Variants in GNL3 observed in about 807,000 individuals in gnomAD.
GNL3 encodes G protein nucleolar 3, also known as guanine nucleotide-binding protein-like 3.
Under a neutral mutation model 70.6 loss-of-function variants are expected in GNL3, and 77 were observed. The ratio of observed to expected loss-of-function variants is 1.09; its 90% CI spans 0.91 to 1.32. GNL3 has a LOEUF of 1.32. Among genes scored for constraint, GNL3 ranks in the 40% most tolerant of loss-of-function variants. The probability of loss-of-function intolerance (pLI) is 0.00; values close to 1 mark genes in which losing one functional copy is unlikely to be tolerated. For missense variants in GNL3, 634 were observed against 644.0 expected, an observed-to-expected ratio of 0.98 and a Z score of 0.17; for synonymous variants, 252 against 216.1, an observed-to-expected ratio of 1.17 and a Z score of -1.46.
In GNL3 at chr3:52,686,768, G is replaced by A. The variant is rs1177500150; in HGVS notation, c.14-1G>A. 6.2e-7 allele frequency: 1 copy of A among 1,606,306 alleles called. No individual in the cohort carries two copies. The highest frequency in any genetic ancestry group is 8.5e-7 in the Non-Finnish European group (1 of 1,172,956). ...CAGATTTGTGATGTGTTTCTTTGTA[G>A]AGTTAAAGAAAGCAAGTAAACGCAT... On this transcript the variant is annotated splice_acceptor_variant, in intron 1 of 14. Coordinates refer to ENST00000418458, the MANE Select transcript of GNL3 (RefSeq NM_014366.5). LOFTEE classifies it high-confidence loss of function.
chr3:52,686,883 C>T, intron 2 of GNL3, 56 bp downstream of exon 2: 2 of 1,337,226 alleles, frequency 1.5e-6, no homozygotes, highest in Non-Finnish European at 2.1e-6. Flanking sequence ...TGATTTTGCC[C>T]TGTTCCTTTG....
intron 2 of GNL3, 137 bp from the exon 3 acceptor site, chr3:52,687,109 A>G: frequency 4.1e-6 from 3 of 726,668 alleles, no homozygotes; most frequent in Non-Finnish European, 6.9e-6. Flanking sequence ...TTACTTTGTA[A>G]GATTCCAATT....
intron 1 of GNL3, chr3:52,686,553 T>G (rs964492030): frequency 4.1e-5 from 24 of 592,112 alleles, no homozygotes; most frequent in Admixed American, 2.5e-4. Flanking sequence ...TCTAATATTG[T>G]GAGGGTAAGT....
Position 52,691,556 on chromosome 3 carries a change from G to A in GNL3, c.796G>A (p.Gly266Arg), listed in dbSNP as rs2097327286. The change falls in exon 9 of 15, where the codon GGG (glycine) becomes AGG (arginine). Residue 266 changes from glycine to arginine, a missense_variant. Transcript: ENST00000418458. ...RVGVIGFPNV[G>R]KSSIINSLKQ... is the part of the protein sequence containing the mutation. ...TTTATTTGTAGGTTTCCCAAATGTGGGGAAAAGCAGCATTATCAATAGCTT... is the reference window on the plus strand; with the variant it reads ...TTTATTTGTAGGTTTCCCAAATGTGAGGAAAAGCAGCATTATCAATAGCTT... 1 of 1,586,948 alleles carries A rather than the reference G, an allele frequency of 6.3e-7. No homozygotes were observed.
Position 52,688,910 on chromosome 3 carries a change from A to G in GNL3, c.409-164A>G, listed in dbSNP as rs1248411411. The G allele has an allele frequency of 1.1e-5, 7 of 644,320 alleles. 1 individual carries two copies. The highest frequency in any genetic ancestry group is 5.5e-5 in the South Asian group (3 of 54,524). The allele number at this position is 644,320 out of a possible 1,614,324, so 39.9% of individuals were successfully genotyped here. ...TGTGTGAGAAATGATGAGGGTCAAC[A>G]TTCTTCATACCAAAGTGAAGACATG... On this transcript the variant is annotated intron_variant, in intron 5 of 14. Coordinates refer to ENST00000418458, the MANE Select transcript of GNL3 (RefSeq NM_014366.5).
rs1486094905 is a variant in GNL3, at chr3:52,690,845, G to A, written c.655-100G>A. On this transcript the variant is annotated intron_variant, in intron 7 of 14. Transcript: ENST00000418458. Reference sequence around the variant, plus strand: ...AGCCAGAGATCATCTGAAAGGCAATGTAGTTATCTTAAGAGCTGGGCTCTG... The same window carrying A: ...AGCCAGAGATCATCTGAAAGGCAATATAGTTATCTTAAGAGCTGGGCTCTG... The A allele has an allele frequency of 6.4e-6, 8 of 1,258,074 alleles. No homozygotes were observed. In the African/African-American group the frequency reaches 8.9e-5, roughly 14 times the overall value. The allele number at this position is 1,258,074 out of a possible 1,614,324, so 77.9% of individuals were successfully genotyped here.
In GNL3 at chr3:52,690,580, A is replaced by C; in HGVS notation, c.542-12A>C. ...GCCTGGCCGCAAATGTCTTATTTCT[A>C]ATTGCTATCAGATCTGGTACCAAAG... On this transcript the variant is annotated splice_polypyrimidine_tract_variant and intron_variant, in intron 6 of 14. Coordinates refer to ENST00000418458, the MANE Select transcript of GNL3 (RefSeq NM_014366.5). 2 of 1,478,208 alleles carry C rather than the reference A, an allele frequency of 1.4e-6. No individual in the cohort carries two copies. Among genetic ancestry groups the C allele is most frequent in the Non-Finnish European group, 1.9e-6 (2 of 1,056,184 alleles). The allele number at this position is 1,478,208 out of a possible 1,614,324, so 91.6% of individuals were successfully genotyped here.
rs756138949 is a variant in GNL3 at position 52,687,616 on chromosome 3, G to A, written c.324+1G>A. On this transcript the variant is annotated splice_donor_variant, in intron 4 of 14. Coordinates refer to ENST00000418458, the MANE Select transcript of GNL3 (RefSeq NM_014366.5). LOFTEE classifies it high-confidence loss of function. ...ATCAAATGTGGAACCTATGGAAAAGGTATGATTAGGTCTCTTTATGAATGA... is the reference window on the plus strand; with the variant it reads ...ATCAAATGTGGAACCTATGGAAAAGATATGATTAGGTCTCTTTATGAATGA... The A allele has an allele frequency of 3.3e-6, 5 of 1,530,460 alleles. No homozygotes were observed. In the Middle Eastern group the frequency reaches 8.4e-4, roughly 258 times the overall value. 94.8% of individuals were successfully genotyped at this position (1,530,460 alleles called of 1,614,324 possible). A position where few individuals can be genotyped will look rare whatever the true frequency, so the allele number is the denominator to read the frequency against.
rs1561235218 is a variant in GNL3 at position 52,686,054 on chromosome 3, A to G, written c.-39A>G. 2 of 937,178 alleles carry G rather than the reference A, an allele frequency of 2.1e-6. No individual in the cohort carries two copies. The highest frequency in any genetic ancestry group is 1.3e-5 in the South Asian group (1 of 77,652). The allele number at this position is 937,178 out of a possible 1,614,324, so 58.1% of individuals were successfully genotyped here. ...TTCAGTTCACACGTGGCGCCAGCGG[A>G]GGCAGGTTGATGTGTTTGTGCTTCC... On this transcript the variant is annotated 5_prime_UTR_variant, in exon 1 of 15. Coordinates refer to ENST00000418458, the MANE Select transcript of GNL3 (RefSeq NM_014366.5).
In GNL3 at chr3:52,694,211, C is replaced by A. The variant is rs1376430597; in HGVS notation, c.1586C>A (p.Ser529Tyr). 6 of 1,599,072 alleles carry A rather than the reference C, an allele frequency of 3.8e-6. No homozygotes were observed. The highest frequency in any genetic ancestry group is 8.6e-7 in the Non-Finnish European group (1 of 1,167,108). The part of the protein sequence containing the change: ...ETTAGEQSTR[S>Y]FILDKIIEED... Reference sequence around the variant, plus strand: ...AATATAGGTGAACAGTCTACAAGGTCTTTTATCTTGGATAAAATCATTGAA... The same window carrying A: ...AATATAGGTGAACAGTCTACAAGGTATTTTATCTTGGATAAAATCATTGAA... The change falls in exon 15 of 15, where the codon TCT becomes TAT. Residue 529 changes from serine (S) to tyrosine (Y), a missense_variant. Coordinates refer to ENST00000418458, the MANE Select transcript of GNL3 (RefSeq NM_014366.5).
At chr3:52,688,951 C>T in intron 5 of GNL3, 123 bp from the exon 6 acceptor site, 1 of 762,706 alleles carries the variant, frequency 1.3e-6, no homozygotes, top group Non-Finnish European at 2.2e-6. Context: ...CAACTCTGAG[C>T]TCACCCTGTT....
At chr3:52,692,667 T>G (rs959825488) in intron 9 of GNL3, 2 of 721,704 alleles carry the variant, frequency 2.8e-6, no homozygotes, top group African/African-American at 1.7e-5. Flanking sequence ...TTGGTTGATG[T>G]AAATATATAA....
Position 52,686,037 on chromosome 3 carries a change from A to T in GNL3, c.-56A>T, listed in dbSNP as rs564137189. On this transcript the variant is annotated 5_prime_UTR_variant, in exon 1 of 15. Coordinates refer to ENST00000418458, the MANE Select transcript of GNL3 (RefSeq NM_014366.5). ...TGACGCTCGTCAGTGGCTTCAGTTC[A>T]CACGTGGCGCCAGCGGAGGCAGGTT... 12 of 862,918 alleles carry T rather than the reference A, an allele frequency of 1.4e-5. No homozygotes were observed. The highest frequency in any genetic ancestry group is 2.2e-5 in the Non-Finnish European group (11 of 493,624). The allele number at this position is 862,918 out of a possible 1,614,324, so 53.5% of individuals were successfully genotyped here.
chr3:52,690,801 A>T, intron 7 of GNL3, 97 bp downstream of exon 7: 1 of 1,150,886 alleles, frequency 8.7e-7, no homozygotes, highest in Non-Finnish European at 1.3e-6. Flanking sequence ...GAAAAATTAC[A>T]AGATCCAACT....
rs756677164 is a variant in GNL3, at chr3:52,693,501, C to A, written c.1281C>A (p.Phe427Leu). The change falls in exon 12 of 15, where the codon TTC becomes TTA. Residue 427 changes from phenylalanine to leucine, a missense_variant. Transcript: ENST00000418458. ...ESIVVDMKSG[F>L]NLEELEKNNA... ...TTGTGGTAGACATGAAAAGCGGCTT[C>A]AATCTGGAAGAACTGGAAAAGAACA... 62 of 1,614,132 alleles carry A rather than the reference C, an allele frequency of 3.8e-5. No individual in the cohort carries two copies. Among genetic ancestry groups the A allele is most frequent in the Non-Finnish European group, 5.1e-5 (60 of 1,180,024 alleles).
chr3:52,693,528 T>C lies in GNL3; in HGVS notation c.1308T>C (p.Asn436=), dbSNP rs1373865378. 1.9e-6 allele frequency: 3 copies of C among 1,614,156 alleles called. No homozygotes were observed. Among genetic ancestry groups the C allele is most frequent in the Non-Finnish European group, 2.5e-6 (3 of 1,180,026 alleles). The change falls in exon 12 of 15, where the codon AAT becomes AAC. Residue 436 remains asparagine (N), a synonymous_variant. Transcript: ENST00000418458. ...ATCTGGAAGAACTGGAAAAGAACAA[T>C]GCACAGAGCATAAGAGGTGAGAATT... is the stretch of plus-strand genomic sequence containing the variant. ...GFNLEELEKN[N]AQSIRAIKGP...
Position 52,690,700 on chromosome 3 carries a change from C to G in GNL3, c.650C>G (p.Thr217Ser). 6.6e-7 allele frequency: 1 copy of G among 1,520,958 alleles called. No homozygotes were observed. Among genetic ancestry groups the G allele is most frequent in the Non-Finnish European group, 9.1e-7 (1 of 1,095,692 alleles). 94.2% of individuals were successfully genotyped at this position (1,520,958 alleles called of 1,614,324 possible). ...AAACCAAAGGATAAAGGGAAGATAA[C>G]CAAGGTATCCTTTATTAGTGGTAAG... ...STKPKDKGKITKRVKAKKNAA... is the reference protein window; with the variant it reads ...STKPKDKGKISKRVKAKKNAA... Residue 217 changes from threonine to serine, a missense_variant, in exon 7 of 15, where the codon ACC becomes AGC. Coordinates refer to ENST00000418458, the MANE Select transcript of GNL3 (RefSeq NM_014366.5).
At chr3:52,687,638 ATG>A in intron 4 of GNL3, 23 bp downstream of exon 4, 2 of 1,412,030 alleles carry the variant, frequency 1.4e-6, no homozygotes, top group South Asian at 1.2e-5. Context: ...CTCTTTATGA[ATG>A]AGAGATCAGG....
chr3:52,691,256 CTT>C (rs1488433481), intron 8 of GNL3, 185 bp downstream of exon 8: 3 of 622,436 alleles, frequency 4.8e-6, no homozygotes, highest in African/African-American at 1.8e-5. Context: ...AAGAAAAAAA[CTT>C]ACACAACTGC....
Sources: gnomAD v4.1 joint callset for allele counts on GRCh38, gnomAD v4.1.1 for gene constraint, MANE v1.5 for transcripts, NCBI Gene and HGNC (gene_info 2026-07-23, HGNC 2026-07-21) for gene names.